Variants in NKAIN2 observed in about 807,000 individuals in gnomAD.
The protein encoded by NKAIN2 is sodium/potassium transporting ATPase interacting 2.
Under a neutral mutation model 32.6 loss-of-function variants are expected in NKAIN2, and 14 were observed. The observed-to-expected ratio is 0.43, with a 90% CI of 0.28 to 0.67. The LOEUF (loss-of-function observed/expected upper bound fraction) is 0.67. Ranked by LOEUF, NKAIN2 falls within the 30% of genes least tolerant of loss-of-function variation. The pLI, the probability that NKAIN2 is intolerant of heterozygous loss-of-function variation, is 0.17. For missense variants in NKAIN2, 198 were observed against 258.3 expected, an observed-to-expected ratio of 0.77 and a Z score of 1.60; for synonymous variants, 80 against 87.2, an observed-to-expected ratio of 0.92 and a Z score of 0.46.
chr6:123,839,454 C>T (rs1450945186), intron 1 of NKAIN2, among the ~76,000 whole-genome samples: 1 of 152,056 alleles, frequency 6.6e-6, no homozygotes, highest in Non-Finnish European at 1.5e-5. Flanking sequence ...ATATGTACTC[C>T]AATCCTATTC....
At chr6:123,969,228 G>A (rs575519256) in intron 1 of NKAIN2, among the ~76,000 whole-genome samples, 19 of 152,204 alleles carry the variant, frequency 1.2e-4, no homozygotes, top group South Asian at 2.1e-4. Context: ...AATGGCAAGC[G>A]CCTTAGGTAT....
intron 4 of NKAIN2, among the ~76,000 whole-genome samples, chr6:124,752,458 C>T (rs1030060310): frequency 3.3e-5 from 5 of 151,918 alleles, no homozygotes; most frequent in African/African-American, 9.7e-5. Context: ...TTCTTTCTTC[C>T]TTCTTACTCC....
chr6:124,140,301 C>CTGTGAATGACAGT (rs1787071784), intron 1 of NKAIN2, among the ~76,000 whole-genome samples: 1 of 152,098 alleles, frequency 6.6e-6, no homozygotes, highest in African/African-American at 2.4e-5. Context: ...TTAATGACAG[C>CTGTGAATGACAGT]TCTGTGAATG....
chr6:124,288,311 G>T (rs769448584), intron 2 of NKAIN2, among the ~76,000 whole-genome samples: 24 of 152,318 alleles, frequency 1.6e-4, no homozygotes, highest in African/African-American at 5.5e-4. Flanking sequence ...TAGAGGCACA[G>T]TTCAGAGACC....
intron 2 of NKAIN2, among the ~76,000 whole-genome samples, chr6:124,339,602 G>A (rs1798035842): frequency 6.6e-6 from 1 of 152,108 alleles, no homozygotes; most frequent in Admixed American, 6.6e-5. Flanking sequence ...GTGTGAAATA[G>A]GCATCTACCT....
At chr6:124,175,790 C>T (rs1309772037) in intron 1 of NKAIN2, among the ~76,000 whole-genome samples, 4 of 152,090 alleles carry the variant, frequency 2.6e-5, no homozygotes, top group South Asian at 4.1e-4. Flanking sequence ...TTCCAATCTA[C>T]GATTTGCTAA....
chr6:124,185,825 A>G (rs543752514), intron 1 of NKAIN2, among the ~76,000 whole-genome samples: 13 of 151,652 alleles, frequency 8.6e-5, no homozygotes, highest in Non-Finnish European at 1.5e-4. Context: ...ACAGTTTTAG[A>G]TATGATACAG....
chr6:124,784,975 C>G (rs1276207441), intron 4 of NKAIN2, among the ~76,000 whole-genome samples: 1 of 151,986 alleles, frequency 6.6e-6, no homozygotes, highest in Non-Finnish European at 1.5e-5. Context: ...AGTTTGTGTC[C>G]TTTGCCAAAT....
At chr6:124,643,037 A>G (rs572934756) in intron 3 of NKAIN2, among the ~76,000 whole-genome samples, 12 of 152,298 alleles carry the variant, frequency 7.9e-5, no homozygotes, top group African/African-American at 2.6e-4. Flanking sequence ...CCTCATGACT[A>G]CTATTAAATA....
At chr6:124,437,872 A>ATTTTTTTTTTTTTTT (rs374033234) in intron 3 of NKAIN2, 4 of 344,330 alleles carry the variant, frequency 1.2e-5, no homozygotes, top group South Asian at 2.2e-5. Context: ...TGATCTATTG[A>ATTTTTTTTTTTTTTT]TTTTTTTTTT....
At chr6:124,269,573 T>C (rs1317373293) in intron 1 of NKAIN2, among the ~76,000 whole-genome samples, 2 of 151,864 alleles carry the variant, frequency 1.3e-5, no homozygotes, top group Non-Finnish European at 2.9e-5. Flanking sequence ...GTTCAAGCGA[T>C]TCTCCTGCCT....
At chr6:124,818,772 G>T (rs1203634250) in intron 6 of NKAIN2, among the ~76,000 whole-genome samples, 2 of 151,760 alleles carry the variant, frequency 1.3e-5, no homozygotes, top group Non-Finnish European at 1.5e-5. Flanking sequence ...TGTATTTTTT[G>T]AAAATGATAT....
intron 1 of NKAIN2, among the ~76,000 whole-genome samples, chr6:123,855,139 A>G (rs1241789124): frequency 1.3e-5 from 2 of 152,210 alleles, no homozygotes; most frequent in Non-Finnish European, 2.9e-5. Context: ...AATATATGAA[A>G]TTTGCATTGT....
chr6:124,014,346 A>G (rs528912762), intron 1 of NKAIN2, among the ~76,000 whole-genome samples: 61 of 152,260 alleles, frequency 4.0e-4, no homozygotes, highest in African/African-American at 1.4e-3. Flanking sequence ...TTGACTATAC[A>G]ATATTGTAAC....
chr6:123,984,711 G>A (rs565106475), intron 1 of NKAIN2, among the ~76,000 whole-genome samples: 1 of 152,230 alleles, frequency 6.6e-6, no homozygotes, highest in Non-Finnish European at 1.5e-5. Flanking sequence ...CAATAGATGA[G>A]TTAAGATTTA....
chr6:124,502,025 A>G (rs930793552), intron 3 of NKAIN2, among the ~76,000 whole-genome samples: 1 of 152,028 alleles, frequency 6.6e-6, no homozygotes, highest in African/African-American at 2.4e-5. Flanking sequence ...AATCACTTGA[A>G]CCCAGGAGGC....
chr6:123,864,044 C>T (rs1245896874), intron 1 of NKAIN2, among the ~76,000 whole-genome samples: 1 of 152,164 alleles, frequency 6.6e-6, no homozygotes, highest in Non-Finnish European at 1.5e-5. Context: ...ACTACTACTT[C>T]CTCTAGCCTC....
chr6:124,653,522 A>C (rs1181413487), intron 3 of NKAIN2, among the ~76,000 whole-genome samples: 1 of 151,806 alleles, frequency 6.6e-6, no homozygotes, highest in Non-Finnish European at 1.5e-5. Flanking sequence ...TGGGTCAAAG[A>C]CCTAAATGTA....
chr6:124,201,304 C>A (rs930168530), intron 1 of NKAIN2, among the ~76,000 whole-genome samples: 1 of 151,988 alleles, frequency 6.6e-6, no homozygotes, highest in South Asian at 2.1e-4. Flanking sequence ...AATAAATATG[C>A]ATTAATGGTT....
Sources: allele counts gnomAD v4.1 joint callset (sites outside exome capture counted in the v4.1 genomes callset), GRCh38; gene constraint gnomAD v4.1.1; transcripts MANE v1.5; gene names NCBI Gene and HGNC (gene_info 2026-07-23, HGNC 2026-07-21).